Variants in ZNF280D observed in about 807,000 individuals in gnomAD.
The protein encoded by ZNF280D is zinc finger protein 280D, also known as suppressor of hairy wing homolog 4.
ZNF280D carries 39 observed loss-of-function variants against 94.7 expected under a neutral mutation model. That is an observed-to-expected ratio of 0.41 (90% CI 0.32 to 0.54). The LOEUF is 0.54. Among genes scored for constraint, ZNF280D ranks in the 20% least tolerant of loss-of-function variants. ZNF280D has a pLI of 0.22. For synonymous variants in ZNF280D, 398 were observed against 377.6 expected, an observed-to-expected ratio of 1.05 and a Z score of -0.63; for missense variants, 1,090 against 1,149.3, an observed-to-expected ratio of 0.95 and a Z score of 0.75.
intron 1 of ZNF280D, among the ~76,000 whole-genome samples, chr15:56,731,506 C>CAAA (rs752976383): frequency 0.012 from 968 of 80,012 alleles, 30 homozygotes; most frequent in South Asian, 0.019. Flanking sequence ...GTACCTATCT[C>CAAA]AAAAAAAAAA....
At chr15:56,703,956 T>C (rs2057245089) in intron 4 of ZNF280D, among the ~76,000 whole-genome samples, 165 bp downstream of exon 4, 1 of 152,170 alleles carries the variant, frequency 6.6e-6, no homozygotes, top group Non-Finnish European at 1.5e-5. Context: ...CCATTTCTCT[T>C]TTCTGACATC....
intron 7 of ZNF280D, 101 bp from the exon 8 acceptor site, chr15:56,689,571 G>T (rs975132675): frequency 1.5e-4 from 109 of 731,028 alleles, no homozygotes; most frequent in Non-Finnish European, 2.2e-4. Flanking sequence ...TAATATAATT[G>T]AATTATCATA....
intron 3 of ZNF280D, among the ~76,000 whole-genome samples, chr15:56,704,819 A>G (rs2057304072): frequency 6.6e-6 from 1 of 152,050 alleles, no homozygotes; most frequent in African/African-American, 2.4e-5. Flanking sequence ...CATCTCTATT[A>G]AAAATAGAAA....
chr15:56,689,224 T>G (rs1262524416), intron 8 of ZNF280D, 74 bp from the exon 9 acceptor site: 4 of 1,550,230 alleles, frequency 2.6e-6, no homozygotes, highest in Non-Finnish European at 3.5e-6. Context: ...AATAATACTT[T>G]TAAAATTTAT....
At chr15:56,653,142 G>T in intron 19 of ZNF280D, 1 of 1,005,154 alleles carries the variant, frequency 9.9e-7, no homozygotes, top group Non-Finnish European at 1.2e-6. Flanking sequence ...GAGACCTGTT[G>T]TTCCAAGGAT....
intron 12 of ZNF280D, 43 bp downstream of exon 12, chr15:56,677,527 CAACA>C: frequency 1.4e-6 from 2 of 1,411,068 alleles, no homozygotes; most frequent in Non-Finnish European, 2.0e-6. Context: ...ATAACCAAAA[CAACA>C]AACAAACCAA....
chr15:56,658,285 C>G, intron 17 of ZNF280D, 139 bp downstream of exon 17: 1 of 624,350 alleles, frequency 1.6e-6, no homozygotes, highest in Non-Finnish European at 2.7e-6. Context: ...TGCTGCACAA[C>G]TCTGTGAATA....
intron 1 of ZNF280D, among the ~76,000 whole-genome samples, chr15:56,716,381 G>A (rs1434816929): frequency 5.9e-5 from 9 of 151,930 alleles, no homozygotes; most frequent in Admixed American, 5.9e-4. Context: ...AGAAAGGGTT[G>A]GAGTTAACTA....
At position 56,647,230 on chromosome 15, in the gene ZNF280D, G is replaced by T. The variant is rs557676412; in HGVS notation, c.2214-4233C>A. On this transcript the variant is annotated intron_variant, in intron 19 of 21. Coordinates refer to ENST00000267807, the MANE Select transcript of ZNF280D (RefSeq NM_017661.4). Reference sequence around the variant, plus strand: ...CAATTAAAACAGTAACAGTGTCAATGGAGAAAAGGTTGGTTTAGGGAGATG... The same window carrying T: ...CAATTAAAACAGTAACAGTGTCAATTGAGAAAAGGTTGGTTTAGGGAGATG... 3.2e-4 allele frequency among the ~76,000 whole-genome samples: 48 copies of T among 152,244 alleles called. No homozygotes were observed. In the South Asian group the frequency reaches 8.1e-3, roughly 26 times the overall value.
At chr15:56,710,810 C>A (rs2057719449) in intron 1 of ZNF280D, among the ~76,000 whole-genome samples, 1 of 152,046 alleles carries the variant, frequency 6.6e-6, no homozygotes, top group Admixed American at 6.6e-5. Context: ...AGAGCACATA[C>A]TATGGACACA....
At chr15:56,659,960 T>A (rs1748148899) in intron 16 of ZNF280D, among the ~76,000 whole-genome samples, 1 of 152,100 alleles carries the variant, frequency 6.6e-6, no homozygotes. Context: ...GCAGCTTTCC[T>A]TCATGCAATC....
intron 1 of ZNF280D, among the ~76,000 whole-genome samples, chr15:56,727,590 A>G (rs144815234): frequency 6.6e-6 from 1 of 152,220 alleles, no homozygotes; most frequent in Admixed American, 6.5e-5. Context: ...CCTCATGCGT[A>G]AGTGGCAGAT....
intron 4 of ZNF280D, among the ~76,000 whole-genome samples, chr15:56,703,050 T>C (rs978508336): frequency 1.3e-5 from 2 of 152,140 alleles, no homozygotes; most frequent in African/African-American, 4.8e-5. Flanking sequence ...CTATTTTCTC[T>C]TTCTCCCTGA....
At position 56,706,386 on chromosome 15, in the gene ZNF280D, G is replaced by C. The variant is rs1197789991; in HGVS notation, c.28+696C>G. The stretch of plus-strand genomic sequence containing the variant: ...CCAGCTACTCAGGAGGCTGAGGCGG[G>C]AGAATCACTTGAGCCCAGGAAGAGG... On this transcript the variant is annotated intron_variant, in intron 3 of 21. Coordinates refer to ENST00000267807, the MANE Select transcript of ZNF280D (RefSeq NM_017661.4). Among the ~76,000 whole-genome samples the C allele has an allele frequency of 2.0e-5, 3 of 151,758 alleles. No homozygotes were observed. In the East Asian group the frequency reaches 5.8e-4, roughly 30 times the overall value.
chr15:56,693,718 A>C (rs558194140), intron 6 of ZNF280D, among the ~76,000 whole-genome samples: 1 of 152,314 alleles, frequency 6.6e-6, no homozygotes, highest in South Asian at 2.1e-4. Context: ...ATGCTTCTAA[A>C]AACCTCACAT....
chr15:56,717,663 A>G (rs896591054), intron 1 of ZNF280D, among the ~76,000 whole-genome samples: 5 of 152,148 alleles, frequency 3.3e-5, no homozygotes, highest in South Asian at 2.1e-4. Context: ...CTAATCCTCA[A>G]AAACTCCTAT....
Position 56,701,194 on chromosome 15 carries a change from T to C in ZNF280D, c.220A>G (p.Lys74Glu). 6.3e-7 allele frequency: 1 copy of C among 1,590,548 alleles called. No homozygotes were observed. Among genetic ancestry groups the C allele is most frequent in the Non-Finnish European group, 8.6e-7 (1 of 1,167,720 alleles). The change falls in exon 5 of 22, where the codon AAG (lysine) becomes GAG (glutamate). Residue 74 changes from lysine to glutamate, a missense_variant. By Grantham distance (56) the Lys-to-Glu change is moderately conservative (BLOSUM62 1). Around this residue, in one of 3 missense-constraint regions of ZNF280D, gnomAD observed 386 missense variants for 372.0 expected, o/e 1.04. Transcript: ENST00000267807. ...VNPSSYSRGL[K>E]NGALSRGITA... is the part of the protein sequence containing the mutation. ...GTACCTCGACTGAGTGCACCATTCT[T>C]TAGTCCCCTTGAATATGAGCTGGGG... is the stretch of plus-strand genomic sequence containing the variant.
In ZNF280D at chr15:56,631,369, G is replaced by C; in HGVS notation, c.*129C>G. ...TTGATAACATAGGTTGAACATACAG[G>C]TAAAGTGTATGTGTGACCTCCCTTA... is the stretch of plus-strand genomic sequence containing the variant. On this transcript the variant is annotated 3_prime_UTR_variant, in exon 22 of 22. Transcript: ENST00000267807. 1.1e-6 allele frequency: 1 copy of C among 921,280 alleles called. No individual in the cohort carries two copies. Among genetic ancestry groups the C allele is most frequent in the South Asian group, 1.7e-5 (1 of 59,650 alleles). 57.1% of individuals were successfully genotyped at this position (921,280 alleles called of 1,614,324 possible).
At chr15:56,658,296 T>C (rs2053679981) in intron 17 of ZNF280D, 128 bp downstream of exon 17, 2 of 665,808 alleles carry the variant, frequency 3.0e-6, no homozygotes, top group Non-Finnish European at 5.1e-6. Flanking sequence ...TCTGTGAATA[T>C]CCTAAAACCT....
Sources: gnomAD v4.1 joint callset for allele counts (sites outside exome capture counted in the v4.1 genomes callset) on GRCh38, gnomAD v4.1.1 for gene constraint, gnomAD v4.1.1 regional missense constraint, MANE v1.5 for transcripts, NCBI Gene and HGNC (gene_info 2026-07-23, HGNC 2026-07-21) for gene names.